Variants in B3GALT2 observed in about 807,000 individuals in gnomAD.
B3GALT2 encodes the protein beta-1,3-galactosyltransferase 2.
B3GALT2 carries 13 observed loss-of-function variants against 33.5 expected under a neutral mutation model. The observed-to-expected ratio is 0.39, with a 90% CI of 0.25 to 0.62. The LOEUF is 0.62. Ranked by LOEUF, B3GALT2 falls within the 20% of genes least tolerant of loss-of-function variation. The probability of loss-of-function intolerance (pLI) is 0.53; values close to 1 mark genes in which losing one functional copy is unlikely to be tolerated. For missense variants in B3GALT2, 418 were observed against 509.1 expected (o/e 0.82, Z 1.72); for synonymous variants, 195 against 172.7 (o/e 1.13, Z -1.01).
chr1:193,181,462 A>G lies in B3GALT2; in HGVS notation c.101T>C (p.Val34Ala), dbSNP rs762624742. 6.2e-6 allele frequency: 10 copies of G among 1,614,070 alleles called. No homozygotes were observed. Among genetic ancestry groups the G allele is most frequent in the Admixed American group, 1.7e-5 (1 of 60,016 alleles). Residue 34 changes from valine to alanine, a missense_variant, in exon 2 of 2, where the codon GTG (valine) becomes GCG (alanine). Coordinates refer to ENST00000367434, the MANE Select transcript of B3GALT2 (RefSeq NM_003783.3). Reference sequence around the variant, plus strand: ...AAACAAAAACATAGCAAAAAGAAACACTAGAGAAAGTACTCCAATAAGATG... The same window carrying G: ...AAACAAAAACATAGCAAAAAGAAACGCTAGAGAAAGTACTCCAATAAGATG... Reference protein sequence around the residue: ...RTHLIGVLSLVFLFAMFLFFN... With the variant: ...RTHLIGVLSLAFLFAMFLFFN...
At chr1:193,182,777 A>G (rs1366275179) in intron 1 of B3GALT2, among the ~76,000 whole-genome samples, 2 of 152,040 alleles carry the variant, frequency 1.3e-5, no homozygotes, top group Admixed American at 6.6e-5. Context: ...TGTTGTTTTT[A>G]GTTTTTGGGG....
At position 193,180,709 on chromosome 1, in the gene B3GALT2, C is replaced by G. The variant is rs745839994; in HGVS notation, c.854G>C (p.Gly285Ala). The stretch of plus-strand genomic sequence containing the variant: ...ATCTTTGTTTCGATTGGGTGCATAT[C>G]CTCGCATTAGGTAACCAGTGAAATA... ...HNYFTGYLMRGYAPNRNKDSK... is the reference protein window; with the variant it reads ...HNYFTGYLMRAYAPNRNKDSK... Residue 285 changes from glycine (G) to alanine (A), a missense_variant, in exon 2 of 2, where the codon GGA becomes GCA. Around this residue, in one of 3 missense-constraint regions of B3GALT2, gnomAD observed 226 missense variants for 293.9 expected, o/e 0.77. Transcript: ENST00000367434. 2.5e-6 allele frequency: 4 copies of G among 1,614,060 alleles called. No homozygotes were observed. Among genetic ancestry groups the G allele is most frequent in the Non-Finnish European group, 3.4e-6 (4 of 1,179,954 alleles).
Position 193,181,617 on chromosome 1 carries a change from T to C in B3GALT2, c.-55A>G. 7.1e-7 allele frequency: 1 copy of C among 1,414,368 alleles called. No individual in the cohort carries two copies. Among genetic ancestry groups the C allele is most frequent in the Non-Finnish European group, 9.6e-7 (1 of 1,040,076 alleles). The allele number at this position is 1,414,368 out of a possible 1,614,324, so 87.6% of individuals were successfully genotyped here. A position where few individuals can be genotyped will look rare whatever the true frequency, so the allele number is the denominator to read the frequency against. On this transcript the variant is annotated 5_prime_UTR_variant, in exon 2 of 2. Coordinates refer to ENST00000367434, the MANE Select transcript of B3GALT2 (RefSeq NM_003783.3). ...AGATTGGTGACCAAAAATGTTTTCT[T>C]CTCCTTAATACTATTCTTTGGCAAT...
intron 1 of B3GALT2, 107 bp from the exon 2 acceptor site, chr1:193,181,789 G>C: frequency 2.4e-6 from 1 of 416,828 alleles, no homozygotes; most frequent in Non-Finnish European, 4.2e-6. Context: ...ATATAACCCA[G>C]GAACGAAGCT....
chr1:193,180,493 G>C lies in B3GALT2; in HGVS notation c.1070C>G (p.Pro357Arg), dbSNP rs556506356. Residue 357 changes from proline (P) to arginine (R), a missense_variant, in exon 2 of 2, where the codon CCC becomes CGC. Pro to Arg is a moderately radical substitution (Grantham distance 103). This residue lies in a region of B3GALT2 where 226 missense variants were observed against 293.9 expected (regional missense o/e 0.77). Transcript: ENST00000367434. ...CLAKLRIDPVPPPNEFVFNHW... is the reference protein window; with the variant it reads ...CLAKLRIDPVRPPNEFVFNHW... ...ATTGAACACAAACTCATTGGGAGGG[G>C]GTACAGGATCAATTCTCAACTTGGC... 5 of 1,613,884 alleles carry C rather than the reference G, an allele frequency of 3.1e-6. No individual in the cohort carries two copies. The highest frequency in any genetic ancestry group is 3.4e-6 in the Non-Finnish European group (4 of 1,179,900).
At chr1:193,185,779 T>C (rs894378847) in intron 1 of B3GALT2, among the ~76,000 whole-genome samples, 2 of 152,182 alleles carry the variant, frequency 1.3e-5, no homozygotes, top group Non-Finnish European at 2.9e-5. Context: ...CTTCTTCTTA[T>C]TTGCCTTTTC....
chr1:193,180,752 G>T lies in B3GALT2; in HGVS notation c.811C>A (p.Leu271Met), dbSNP rs767933476. 6.2e-7 allele frequency: 1 copy of T among 1,614,074 alleles called. No homozygotes were observed. The highest frequency in any genetic ancestry group is 8.5e-7 in the Non-Finnish European group (1 of 1,179,926). Reference sequence around the variant, plus strand: ...GTGAAATAGTTATGTCTGGGAGGCAGATCTGGCTTCAGTAACTTATTGATT... The same window carrying T: ...GTGAAATAGTTATGTCTGGGAGGCATATCTGGCTTCAGTAACTTATTGATT... The part of the protein sequence containing the change: ...YLINKLLKPD[L>M]PPRHNYFTGY... The change falls in exon 2 of 2, where the codon CTG becomes ATG. Residue 271 changes from leucine to methionine, a missense_variant. Leu to Met is a conservative substitution (Grantham distance 15, BLOSUM62 2). Around this residue, in one of 3 missense-constraint regions of B3GALT2, gnomAD observed 226 missense variants for 293.9 expected, o/e 0.77. Transcript: ENST00000367434.
At position 193,181,192 on chromosome 1, in the gene B3GALT2, T is replaced by C. The variant is rs753586830; in HGVS notation, c.371A>G (p.Asn124Ser). Residue 124 changes from asparagine to serine, a missense_variant, in exon 2 of 2, where the codon AAT (asparagine) becomes AGT (serine). Physicochemically the swap from Asn to Ser is conservative, Grantham distance 46. Transcript: ENST00000367434. ...ATTTGGATGTCCAGTACCTTTTTCA[T>C]TGTAAATACTTCCATTGGCACTAAG... ...NTLSANGSIY[N>S]EKGTGHPNSY... The C allele has an allele frequency of 6.2e-7, 1 of 1,613,916 alleles. No homozygotes were observed. The highest frequency in any genetic ancestry group is 8.5e-7 in the Non-Finnish European group (1 of 1,179,922).
chr1:193,180,465 G>A lies in B3GALT2; in HGVS notation c.1098C>T (p.His366=). 6.2e-7 allele frequency: 1 copy of A among 1,614,068 alleles called. No homozygotes were observed. The highest frequency in any genetic ancestry group is 2.2e-5 in the East Asian group (1 of 44,882). Reference sequence around the variant, plus strand: ...TACAGCTCGAATAAGAGACTCGCCAGTGATTGAACACAAACTCATTGGGAG... The same window carrying A: ...TACAGCTCGAATAAGAGACTCGCCAATGATTGAACACAAACTCATTGGGAG... ...VPPPNEFVFN[H]WRVSYSSCKY... Residue 366 remains histidine, a synonymous_variant, in exon 2 of 2, where the codon CAC becomes CAT. Transcript: ENST00000367434.
At chr1:193,183,009 T>C (rs1572181962) in intron 1 of B3GALT2, among the ~76,000 whole-genome samples, 1 of 152,056 alleles carries the variant, frequency 6.6e-6, no homozygotes, top group East Asian at 1.9e-4. Context: ...TGTATGTATT[T>C]AGCCTGTGAT....
At chr1:193,182,084 TG>T (rs1009285063) in intron 1 of B3GALT2, among the ~76,000 whole-genome samples, 2 of 152,098 alleles carry the variant, frequency 1.3e-5, no homozygotes, top group Non-Finnish European at 2.9e-5. Context: ...GACATACTAT[TG>T]GTGGTATGGT....
Position 193,181,700 on chromosome 1 carries a change from A to G in B3GALT2, c.-120-18T>C. On this transcript the variant is annotated intron_variant, in intron 1 of 1. Transcript: ENST00000367434. ...TAGTCATTCTATAAAAATGAAGCAC[A>G]AAAGTTTACAGAACTGCCTGAAAGG... 5 of 823,790 alleles carry G rather than the reference A, an allele frequency of 6.1e-6. No homozygotes were observed. The highest frequency in any genetic ancestry group is 2.8e-5 in the East Asian group (1 of 36,236). 51.0% of individuals were successfully genotyped at this position (823,790 alleles called of 1,614,324 possible).
At position 193,180,489 on chromosome 1, in the gene B3GALT2, A is replaced by C. The variant is rs201950214; in HGVS notation, c.1074T>G (p.Pro358=). 3.1e-6 allele frequency: 5 copies of C among 1,614,004 alleles called. No homozygotes were observed. The East Asian group carries it at 8.9e-5, about 29-fold the overall frequency. The stretch of plus-strand genomic sequence containing the variant: ...AGTGATTGAACACAAACTCATTGGG[A>C]GGGGGTACAGGATCAATTCTCAACT... ...LAKLRIDPVP[P]PNEFVFNHWR... is the part of the protein sequence containing the mutation. Residue 358 remains proline, a synonymous_variant, in exon 2 of 2, where the codon CCT becomes CCG. Coordinates refer to ENST00000367434, the MANE Select transcript of B3GALT2 (RefSeq NM_003783.3).
chr1:193,180,623 C>A lies in B3GALT2; in HGVS notation c.940G>T (p.Gly314Ter). The A allele has an allele frequency of 6.2e-7, 1 of 1,614,084 alleles. No homozygotes were observed. The highest frequency in any genetic ancestry group is 8.5e-7 in the Non-Finnish European group (1 of 1,179,954). Residue 314 changes from glycine to a stop codon, truncating the protein, a stop_gained, in exon 2 of 2, where the codon GGA becomes TGA. Transcript: ENST00000367434. LOFTEE classifies it high-confidence loss of function. Reference sequence around the variant, plus strand: ...TCTCCAGAAAAAACATAACCAGTTCCAGAACAGAAGACAGGATAACGCTCA... The same window carrying A: ...TCTCCAGAAAAAACATAACCAGTTCAAGAACAGAAGACAGGATAACGCTCA... ...PSERYPVFCSGTGYVFSGDLA... is the reference protein window; with the variant it reads ...PSERYPVFCS
Position 193,178,881 on chromosome 1 carries a change from A to G in B3GALT2, c.*1413T>C, listed in dbSNP as rs1021623916. ...AATAATAGAATAAGAGGTAAAAATGATTGTTATTAGAATTAAGAAACATTC... is the reference window on the plus strand; with the variant it reads ...AATAATAGAATAAGAGGTAAAAATGGTTGTTATTAGAATTAAGAAACATTC... On this transcript the variant is annotated 3_prime_UTR_variant, in exon 2 of 2. Transcript: ENST00000367434. Among the ~76,000 whole-genome samples the G allele has an allele frequency of 6.6e-6, 1 of 152,170 alleles. No homozygotes were observed. The highest frequency in any genetic ancestry group is 2.4e-5 in the African/African-American group (1 of 41,456).
intron 1 of B3GALT2, among the ~76,000 whole-genome samples, chr1:193,185,337 A>G (rs1676787117): frequency 6.6e-6 from 1 of 152,066 alleles, no homozygotes; most frequent in Non-Finnish European, 1.5e-5. Context: ...ATTCATGGTC[A>G]CTATAATAAC....
At position 193,181,554 on chromosome 1, in the gene B3GALT2, C is replaced by A; in HGVS notation, c.9G>T (p.Gln3His). Residue 3 changes from glutamine to histidine, a missense_variant, in exon 2 of 2, where the codon CAG becomes CAT. Physicochemically the swap from Gln to His is conservative, Grantham distance 24 (BLOSUM62 0). Coordinates refer to ENST00000367434, the MANE Select transcript of B3GALT2 (RefSeq NM_003783.3). ...CAAAGCAGCAGTGTCTTCTCCTCCACTGAAGCATGTTGTAAATATCCAGTA... is the reference window on the plus strand; with the variant it reads ...CAAAGCAGCAGTGTCTTCTCCTCCAATGAAGCATGTTGTAAATATCCAGTA... ML[Q>H]WRRRHCCFAK... 1 of 1,584,962 alleles carries A rather than the reference C, an allele frequency of 6.3e-7. No individual in the cohort carries two copies. The highest frequency in any genetic ancestry group is 8.6e-7 in the Non-Finnish European group (1 of 1,168,562).
At position 193,181,526 on chromosome 1, in the gene B3GALT2, T is replaced by G; in HGVS notation, c.37A>C (p.Lys13Gln). 1 of 1,607,530 alleles carries G rather than the reference T, an allele frequency of 6.2e-7. No individual in the cohort carries two copies. Among genetic ancestry groups the G allele is most frequent in the Non-Finnish European group, 8.5e-7 (1 of 1,177,246 alleles). The change falls in exon 2 of 2, where the codon AAG (lysine) becomes CAG (glutamine). Residue 13 changes from lysine to glutamine, a missense_variant. Lys to Gln is a moderately conservative substitution (Grantham distance 53). Coordinates refer to ENST00000367434, the MANE Select transcript of B3GALT2 (RefSeq NM_003783.3). ...QWRRRHCCFA[K>Q]MTWNAKRSLF... ...GACCTTTTGGCATTCCAGGTCATCT[T>G]TGCAAAGCAGCAGTGTCTTCTCCTC...
Position 193,180,966 on chromosome 1 carries a change from G to A in B3GALT2, c.597C>T (p.Gly199=), listed in dbSNP as rs758475386. ...CTTCCAGTATTGCACGTTGAAGGTAGCCATTTAGCTTAATACTTAAGCCCA... is the reference window on the plus strand; with the variant it reads ...CTTCCAGTATTGCACGTTGAAGGTAACCATTTAGCTTAATACTTAAGCCCA... The part of the protein sequence containing the change: ...FLLGLSIKLN[G]YLQRAILEES... Residue 199 remains glycine (G), a synonymous_variant, in exon 2 of 2, where the codon GGC becomes GGT. Coordinates refer to ENST00000367434, the MANE Select transcript of B3GALT2 (RefSeq NM_003783.3). 1.2e-6 allele frequency: 2 copies of A among 1,613,410 alleles called. No homozygotes were observed. Among genetic ancestry groups the A allele is most frequent in the East Asian group, 4.5e-5 (2 of 44,870 alleles).
Sources: gnomAD v4.1 joint callset for allele counts (sites outside exome capture counted in the v4.1 genomes callset) on GRCh38, gnomAD v4.1.1 for gene constraint, gnomAD v4.1.1 regional missense constraint, MANE v1.5 for transcripts, NCBI Gene and HGNC (gene_info 2026-07-23, HGNC 2026-07-21) for gene names.